Variants in SEMA3E observed in about 807,000 individuals in gnomAD.
The protein encoded by SEMA3E is semaphorin 3E.
In SEMA3E, 49 loss-of-function variants were observed where a neutral mutation model predicts 93.6. That is an observed-to-expected ratio of 0.52 (90% CI 0.42 to 0.66). The LOEUF (loss-of-function observed/expected upper bound fraction) is 0.66. SEMA3E is among the 30% of genes least tolerant of loss of function. SEMA3E has a pLI of 0.00. For synonymous variants in SEMA3E, 363 were observed against 330.7 expected (o/e 1.10, Z -1.06); for missense variants, 906 against 964.8 (o/e 0.94, Z 0.81).
intron 1 of SEMA3E, among the ~76,000 whole-genome samples, chr7:83,551,471 AGAGTGATAAATATAAAATTCAAGATAGT>A (rs1791763613): frequency 6.9e-6 from 1 of 144,984 alleles, no homozygotes; most frequent in Non-Finnish European, 1.5e-5. Context: ...CAAAACAATA[AGAGTGATAAATATAAAATTCAAGATAGT>A]GATACCCCTT....
chr7:83,441,575 A>G (rs1041295922), intron 4 of SEMA3E, among the ~76,000 whole-genome samples: 2 of 152,314 alleles, frequency 1.3e-5, no homozygotes, highest in Non-Finnish European at 2.9e-5. Context: ...GTCATACAAC[A>G]TTTACTATTT....
intron 1 of SEMA3E, among the ~76,000 whole-genome samples, chr7:83,560,351 C>T (rs1241195230): frequency 6.6e-6 from 1 of 151,982 alleles, no homozygotes; most frequent in Non-Finnish European, 1.5e-5. Flanking sequence ...CCATATCTTC[C>T]TCTTAATTTT....
chr7:83,472,793 A>C (rs1789928605), intron 2 of SEMA3E, among the ~76,000 whole-genome samples: 1 of 152,174 alleles, frequency 6.6e-6, no homozygotes, highest in Non-Finnish European at 1.5e-5. Flanking sequence ...CAAGGGAGAA[A>C]CCAGGTGGAG....
At chr7:83,489,792 A>G (rs1420093059) in intron 2 of SEMA3E, among the ~76,000 whole-genome samples, 6 of 152,106 alleles carry the variant, frequency 3.9e-5, no homozygotes, top group Non-Finnish European at 8.8e-5. Flanking sequence ...GCCCAGAGGA[A>G]CTGGTGGTGA....
At chr7:83,601,771 G>A (rs13234898) in intron 1 of SEMA3E, among the ~76,000 whole-genome samples, 1 of 152,158 alleles carries the variant, frequency 6.6e-6, no homozygotes, top group African/African-American at 2.4e-5. Context: ...AGATCTTAAT[G>A]TACTGTCAGG....
chr7:83,636,239 A>C (rs889863046), intron 1 of SEMA3E, among the ~76,000 whole-genome samples: 2 of 152,180 alleles, frequency 1.3e-5, no homozygotes, highest in Non-Finnish European at 2.9e-5. Context: ...ATTTCTCTTC[A>C]GAACTTTTGT....
chr7:83,601,913 G>T (rs573708963), intron 1 of SEMA3E, among the ~76,000 whole-genome samples: 21 of 152,252 alleles, frequency 1.4e-4, no homozygotes, highest in Middle Eastern at 3.4e-3. Flanking sequence ...ACTTATAAAT[G>T]ATTTGACATA....
At chr7:83,543,476 G>T (rs1191294227) in intron 1 of SEMA3E, among the ~76,000 whole-genome samples, 4 of 152,114 alleles carry the variant, frequency 2.6e-5, no homozygotes, top group African/African-American at 9.6e-5. Context: ...TCAAAGTTGT[G>T]TTTTGATTTC....
intron 1 of SEMA3E, among the ~76,000 whole-genome samples, chr7:83,570,329 G>T (rs1164115012): frequency 6.6e-6 from 1 of 151,418 alleles, no homozygotes; most frequent in Non-Finnish European, 1.5e-5. Context: ...CGAGGCGGGC[G>T]GATCACGAGG....
At chr7:83,614,204 T>C (rs1156763290) in intron 1 of SEMA3E, among the ~76,000 whole-genome samples, 1 of 152,098 alleles carries the variant, frequency 6.6e-6, no homozygotes, top group Admixed American at 6.6e-5. Flanking sequence ...TTGGACACAA[T>C]ATTATAGGTA....
chr7:83,628,640 T>C (rs1456268268), intron 1 of SEMA3E, among the ~76,000 whole-genome samples: 1 of 151,888 alleles, frequency 6.6e-6, no homozygotes, highest in Non-Finnish European at 1.5e-5. Context: ...CATCAGATCA[T>C]TTATGTTCTT....
intron 4 of SEMA3E, among the ~76,000 whole-genome samples, chr7:83,436,970 A>C (rs1789017861): frequency 6.6e-6 from 1 of 152,170 alleles, no homozygotes; most frequent in African/African-American, 2.4e-5. Flanking sequence ...TATGTCTTAC[A>C]TGGATGGCAG....
intron 1 of SEMA3E, among the ~76,000 whole-genome samples, chr7:83,618,811 A>G (rs1364656896): frequency 6.6e-6 from 1 of 152,004 alleles, no homozygotes; most frequent in Non-Finnish European, 1.5e-5. Flanking sequence ...TATCTTTCAT[A>G]CACATGCATG....
chr7:83,486,125 C>T (rs138969050), intron 2 of SEMA3E, among the ~76,000 whole-genome samples: 1 of 152,182 alleles, frequency 6.6e-6, no homozygotes, highest in Non-Finnish European at 1.5e-5. Context: ...TCAAGCAATC[C>T]TCCTGCCTCA....
intron 4 of SEMA3E, among the ~76,000 whole-genome samples, chr7:83,436,497 A>G (rs1789008082): frequency 6.6e-6 from 1 of 151,786 alleles, no homozygotes; most frequent in South Asian, 2.1e-4. Context: ...ATATATACAC[A>G]CATATACATA....
Position 83,402,663 on chromosome 7 carries a change from T to C in SEMA3E, c.1112A>G (p.Glu371Gly). ...EGPEYHWSVYEGKVPYPRPGS... is the reference protein window; with the variant it reads ...EGPEYHWSVYGGKVPYPRPGS... ...AGGCCTTGGATAAGGGACTTTTCCT[T>C]CATAGACTGACCAGTGGTATTCAGG... Residue 371 changes from glutamate to glycine, a missense_variant, in exon 10 of 17, where the codon GAA becomes GGA. By Grantham distance (98) the Glu-to-Gly change is moderately conservative (BLOSUM62 -2). Coordinates refer to ENST00000643230, the MANE Select transcript of SEMA3E (RefSeq NM_012431.3). The C allele has an allele frequency of 1.2e-6, 2 of 1,612,996 alleles. No homozygotes were observed. The highest frequency in any genetic ancestry group is 1.7e-6 in the Non-Finnish European group (2 of 1,179,150).
intron 5 of SEMA3E, among the ~76,000 whole-genome samples, chr7:83,409,245 T>C (rs1788389160): frequency 6.6e-6 from 1 of 152,202 alleles, no homozygotes; most frequent in African/African-American, 2.4e-5. Flanking sequence ...TTAAAATAAC[T>C]TAAGGGAGAG....
At chr7:83,637,657 T>G (rs973223465) in intron 1 of SEMA3E, among the ~76,000 whole-genome samples, 8 of 152,132 alleles carry the variant, frequency 5.3e-5, no homozygotes, top group Non-Finnish European at 1.0e-4. Context: ...CTTCTTCTGC[T>G]GCCATATGAG....
chr7:83,626,642 A>G (rs1363233072), intron 1 of SEMA3E, among the ~76,000 whole-genome samples: 2 of 151,894 alleles, frequency 1.3e-5, no homozygotes, highest in South Asian at 2.1e-4. Flanking sequence ...TTTTGTTAGT[A>G]TTTTCAAAAA....
Sources: allele counts gnomAD v4.1 joint callset (sites outside exome capture counted in the v4.1 genomes callset), GRCh38; gene constraint gnomAD v4.1.1; transcripts MANE v1.5; gene names NCBI Gene and HGNC (gene_info 2026-07-23, HGNC 2026-07-21).